ZNF574: variants seen among roughly 807,000 people sequenced by gnomAD.
ZNF574 encodes the protein zinc finger protein 574.
Under a neutral mutation model 56.6 loss-of-function variants are expected in ZNF574, and 25 were observed. That is an observed-to-expected ratio of 0.44 (90% CI 0.32 to 0.62). The LOEUF is 0.62. ZNF574 is among the 20% of genes least tolerant of loss of function. ZNF574 has a pLI of 0.04. For synonymous variants in ZNF574, 543 were observed against 492.1 expected (o/e 1.10, Z -1.37); for missense variants, 1,065 against 1,218.9 (o/e 0.87, Z 1.88).
chr19:42,079,426 C>T lies in ZNF574; in HGVS notation c.820C>T (p.His274Tyr), dbSNP rs779361743. ...GCCTGACCCCTTGCCAGCTTCTGAC[C>T]ACAGTTACGAGCTGCGCAATGGTGA... ...SQPDPLPASD[H>Y]SYELRNGEAI... The change falls in exon 2 of 2, where the codon CAC becomes TAC. Residue 274 changes from histidine (H) to tyrosine (Y), a missense_variant. By Grantham distance (83) the His-to-Tyr change is moderately conservative. Coordinates refer to ENST00000359044, the MANE Select transcript of ZNF574 (RefSeq NM_022752.6). This position sits in a 1 kb window ranked among gnomAD's most constrained non-coding sequence, Gnocchi z 4.3. The T allele has an allele frequency of 6.2e-7, 1 of 1,613,670 alleles. No individual in the cohort carries two copies. Among genetic ancestry groups the T allele is most frequent in the Non-Finnish European group, 8.5e-7 (1 of 1,180,038 alleles).
Position 42,078,798 on chromosome 19 carries a change from G to C in ZNF574, c.192G>C (p.Thr64=), listed in dbSNP as rs377020040. ...TGGCCACAGACACAGCTTCAGGCAC[G>C]GGCCTCTATCAGACCCTTGTGCAGG... ...VTVATDTASG[T]GLYQTLVQES... is the part of the protein sequence containing the mutation. The change falls in exon 2 of 2, where the codon ACG becomes ACC. Residue 64 remains threonine (T), a synonymous_variant. Coordinates refer to ENST00000359044, the MANE Select transcript of ZNF574 (RefSeq NM_022752.6). The C allele has an allele frequency of 2.5e-6, 4 of 1,613,930 alleles. No homozygotes were observed. In the African/African-American group the frequency reaches 4.0e-5, roughly 16 times the overall value.
chr19:42,078,994 G>A lies in ZNF574; in HGVS notation c.388G>A (p.Asp130Asn). 1 of 1,614,138 alleles carries A rather than the reference G, an allele frequency of 6.2e-7. No homozygotes were observed. Among genetic ancestry groups the A allele is most frequent in the Non-Finnish European group, 8.5e-7 (1 of 1,180,008 alleles). Residue 130 changes from aspartate (D) to asparagine (N), a missense_variant, in exon 2 of 2, where the codon GAT (aspartate) becomes AAT (asparagine). By Grantham distance (23) the Asp-to-Asn change is conservative. Transcript: ENST00000359044. ...SSSTIHYECVDCKALFASQEL... is the reference protein window; with the variant it reads ...SSSTIHYECVNCKALFASQEL... ...CAGCACCATCCACTACGAGTGTGTGGATTGCAAGGCTCTCTTTGCCAGCCA... is the reference window on the plus strand; with the variant it reads ...CAGCACCATCCACTACGAGTGTGTGAATTGCAAGGCTCTCTTTGCCAGCCA...
At chr19:42,070,993 C>T (rs1343451784) in intron 1 of ZNF574, 1 of 152,576 alleles carries the variant, frequency 6.6e-6, no homozygotes, top group Non-Finnish European at 1.5e-5. Context: ...TAAATAGCTC[C>T]TATAGAGGTG....
At position 42,080,816 on chromosome 19, in the gene ZNF574, G is replaced by T; in HGVS notation, c.2210G>T (p.Gly737Val). 3.7e-6 allele frequency: 6 copies of T among 1,614,058 alleles called. No individual in the cohort carries two copies. The highest frequency in any genetic ancestry group is 2.2e-5 in the South Asian group (2 of 91,084). Residue 737 changes from glycine (G) to valine (V), a missense_variant, in exon 2 of 2, where the codon GGT becomes GTT. By Grantham distance (109) the Gly-to-Val change is moderately radical (BLOSUM62 -3). Transcript: ENST00000359044. This position sits in a 1 kb window ranked among gnomAD's most constrained non-coding sequence, Gnocchi z 8.5. ...CCTGCGGCCCCTGCCCGCCGCCGGGGTCTAGAGTGCAGCGAGTGCAAGAAG... is the reference window on the plus strand; with the variant it reads ...CCTGCGGCCCCTGCCCGCCGCCGGGTTCTAGAGTGCAGCGAGTGCAAGAAG... ...ASPAAPARRR[G>V]LECSECKKLF... is the part of the protein sequence containing the mutation.
Position 42,079,118 on chromosome 19 carries a change from C to T in ZNF574, c.512C>T (p.Pro171Leu), listed in dbSNP as rs1344770408. 6.2e-7 allele frequency: 1 copy of T among 1,614,080 alleles called. No individual in the cohort carries two copies. The highest frequency in any genetic ancestry group is 8.5e-7 in the Non-Finnish European group (1 of 1,179,982). The change falls in exon 2 of 2, where the codon CCT becomes CTT. Residue 171 changes from proline to leucine, a missense_variant. Physicochemically the swap from Pro to Leu is moderately conservative, Grantham distance 98. Coordinates refer to ENST00000359044, the MANE Select transcript of ZNF574 (RefSeq NM_022752.6). The surrounding 1 kb of genome is among the most constrained non-coding windows in gnomAD (Gnocchi z 4.3). ...GGGTCCCCAGTTGTTCTAGGGCCTC[C>T]TGTGGGCCAGGCCCGAGTGGCTGTG... is the stretch of plus-strand genomic sequence containing the variant. Reference protein sequence around the residue: ...VLGSPVVLGPPVGQARVAVEH... With the variant: ...VLGSPVVLGPLVGQARVAVEH...
At position 42,068,755 on chromosome 19, in the gene ZNF574, C is replaced by T. The variant is rs753960867; in HGVS notation, c.44C>T (p.Ala15Val). 4 of 508,426 alleles carry T rather than the reference C, an allele frequency of 7.9e-6. No homozygotes were observed. The South Asian group carries it at 1.1e-4, about 14-fold the overall frequency. The allele number at this position is 508,426 out of a possible 1,614,324, so 31.5% of individuals were successfully genotyped here. The change falls in exon 1 of 2, where the codon GCA becomes GTA. Residue 15 changes from alanine to valine, a missense_variant. Coordinates refer to the ZNF574 transcript ENST00000222339. ...GCTAACAGCAAAGAGAGAAGTTGGG[C>T]AGAGTCAGAGAGGGGCCCAAGAGAC...
At chr19:42,071,384 G>T (rs1291684641), upstream of ZNF574, among the ~76,000 whole-genome samples, 2 of 152,110 alleles carry the variant, frequency 1.3e-5, no homozygotes, top group East Asian at 3.9e-4. Context: ...CTCGTGATGG[G>T]GAGGAGACAC....
upstream of ZNF574, among the ~76,000 whole-genome samples, chr19:42,075,774 C>T (rs945007589): frequency 3.3e-5 from 5 of 150,140 alleles, no homozygotes; most frequent in African/African-American, 1.2e-4. Flanking sequence ...CTCCCTCTCC[C>T]TGTCCCCAAC....
chr19:42,074,139 CAA>C (rs145833709), upstream of ZNF574, among the ~76,000 whole-genome samples: 3 of 109,872 alleles, frequency 2.7e-5, no homozygotes. Context: ...GACTCCATCT[CAA>C]AAAAAAAAAA....
Position 42,080,302 on chromosome 19 carries a change from C to A in ZNF574, c.1696C>A (p.Leu566Met). The A allele has an allele frequency of 2.5e-6, 4 of 1,614,218 alleles. No homozygotes were observed. The highest frequency in any genetic ancestry group is 3.4e-6 in the Non-Finnish European group (4 of 1,180,032). The change falls in exon 2 of 2, where the codon CTG becomes ATG. Residue 566 changes from leucine (L) to methionine (M), a missense_variant. Coordinates refer to ENST00000359044, the MANE Select transcript of ZNF574 (RefSeq NM_022752.6). This position sits in a 1 kb window ranked among gnomAD's most constrained non-coding sequence, Gnocchi z 8.5. ...CAAGGCTTTCACGCAAAGCTCCACA[C>A]TGAGGCAGCACCGCTTGGTGCATGC... is the stretch of plus-strand genomic sequence containing the variant. ...CGKAFTQSST[L>M]RQHRLVHAQH...
intron 1 of ZNF574, among the ~76,000 whole-genome samples, chr19:42,069,837 G>A (rs1345323166): frequency 1.3e-5 from 2 of 152,128 alleles, no homozygotes; most frequent in East Asian, 1.9e-4. Context: ...CACGGGAAAA[G>A]CATGCTGGGG....
intron 1 of ZNF574, among the ~76,000 whole-genome samples, chr19:42,070,152 C>T (rs1024852070): frequency 1.3e-5 from 2 of 152,162 alleles, no homozygotes; most frequent in South Asian, 2.1e-4. Context: ...GTCTCCCCTC[C>T]GAGGCCGCCG....
chr19:42,076,524 G>T (rs2076457023), intron 1 of ZNF574, among the ~76,000 whole-genome samples: 1 of 151,952 alleles, frequency 6.6e-6, no homozygotes, highest in African/African-American at 2.4e-5. Flanking sequence ...GGCGGGGCTC[G>T]GGCTGAGGCT....
upstream of ZNF574, among the ~76,000 whole-genome samples, chr19:42,072,189 G>T (rs939438926): frequency 6.6e-6 from 1 of 151,212 alleles, no homozygotes; most frequent in African/African-American, 2.4e-5. Context: ...CAAGCAAAAG[G>T]CCTGAGAAGT....
At chr19:42,072,808 G>A (rs1193799086), upstream of ZNF574, among the ~76,000 whole-genome samples, 4 of 152,014 alleles carry the variant, frequency 2.6e-5, no homozygotes, top group South Asian at 2.1e-4. Context: ...TCGGGTGATC[G>A]GCCTGTCTCG....
upstream of ZNF574, among the ~76,000 whole-genome samples, chr19:42,073,260 G>A (rs1422470810): frequency 6.6e-6 from 1 of 152,208 alleles, no homozygotes; most frequent in Non-Finnish European, 1.5e-5. Flanking sequence ...CAGCATGACA[G>A]TTTCTCTCTC....
intron 1 of ZNF574, chr19:42,068,999 G>A (rs1039610024): frequency 1.9e-6 from 1 of 530,838 alleles, no homozygotes; most frequent in Admixed American, 3.4e-5. Flanking sequence ...CAGCCCCGTA[G>A]GACCCCAGAA....
In ZNF574 at chr19:42,079,565, C is replaced by T. The variant is rs1443216068; in HGVS notation, c.959C>T (p.Ser320Leu). 1.2e-6 allele frequency: 2 copies of T among 1,614,150 alleles called. No homozygotes were observed. Among genetic ancestry groups the T allele is most frequent in the South Asian group, 1.1e-5 (1 of 91,084 alleles). The change falls in exon 2 of 2, where the codon TCA becomes TTA. Residue 320 changes from serine to leucine, a missense_variant. By Grantham distance (145) the Ser-to-Leu change is moderately radical. Transcript: ENST00000359044. The surrounding 1 kb of genome is among the most constrained non-coding windows in gnomAD (Gnocchi z 4.3). ...FCSACDQLFL[S>L]PHQLQQHLRS... The stretch of plus-strand genomic sequence containing the variant: ...TCAGCCTGTGACCAGCTCTTTCTCT[C>T]ACCCCACCAGCTACAGCAGCACCTG...
At chr19:42,078,240 G>C (rs886621503) in intron 1 of ZNF574, among the ~76,000 whole-genome samples, 2 of 152,090 alleles carry the variant, frequency 1.3e-5, no homozygotes, top group African/African-American at 4.8e-5. Flanking sequence ...AAGGAGGTCT[G>C]AGTGGAGGTT....
Sources: gnomAD v4.1 joint callset for allele counts (sites outside exome capture counted in the v4.1 genomes callset) on GRCh38, gnomAD v4.1.1 for gene constraint, Gnocchi (gnomAD v3.1) non-coding constraint, MANE v1.5 for transcripts, NCBI Gene and HGNC (gene_info 2026-07-23, HGNC 2026-07-21) for gene names.